The following SEM1 variants were observed in gnomAD, a reference collection of about 807,000 sequenced individuals.
The protein encoded by SEM1 is 26S proteasome complex subunit SEM1.
SEM1 carries 3 observed loss-of-function variants against 12.7 expected under a neutral mutation model. That is an observed-to-expected ratio of 0.24 (90% CI 0.11 to 0.61). The LOEUF is 0.61. Ranked by LOEUF, SEM1 falls within the 20% of genes least tolerant of loss-of-function variation. The pLI, the probability that SEM1 is intolerant of heterozygous loss-of-function variation, is 0.88. For missense variants in SEM1, 59 were observed against 81.3 expected (o/e 0.73, Z 1.06); for synonymous variants, 30 against 27.8 (o/e 1.08, Z -0.25).
At chr7:96,700,702 CT>C (rs1790244261) in intron 1 of SEM1, among the ~76,000 whole-genome samples, 2 of 152,270 alleles carry the variant, frequency 1.3e-5, no homozygotes, top group Admixed American at 1.3e-4. Flanking sequence ...TTAAACACTA[CT>C]TAAACCACAA....
At chr7:96,581,850 A>C (rs1244659893) in intron 2 of SEM1, among the ~76,000 whole-genome samples, 21 of 152,052 alleles carry the variant, frequency 1.4e-4, no homozygotes, top group African/African-American at 4.4e-4. Context: ...GAAGTTGCTT[A>C]TCAGCTTAAG....
rs540508270 is a variant in SEM1, at chr7:96,702,338, A to T, written c.76+7350T>A. On this transcript the variant is annotated intron_variant, in intron 1 of 2. Transcript: ENST00000248566. ...GAATATCCCAAATGCAATAAACATA[A>T]GCAAAGTGAAGACCCTGCATTCTAA... 1.4e-4 allele frequency among the ~76,000 whole-genome samples: 22 copies of T among 152,320 alleles called. No homozygotes were observed. The South Asian group carries it at 3.9e-3, about 27-fold the overall frequency.
At chr7:96,671,675 G>A (rs769345453), downstream of SEM1, among the ~76,000 whole-genome samples, 2 of 152,166 alleles carry the variant, frequency 1.3e-5, no homozygotes, top group Non-Finnish European at 2.9e-5. Context: ...ACATATAACC[G>A]ATTGAAGAGA....
intron 2 of SEM1, among the ~76,000 whole-genome samples, chr7:96,579,199 G>A (rs1806302786): frequency 6.6e-6 from 1 of 152,166 alleles, no homozygotes; most frequent in African/African-American, 2.4e-5. Flanking sequence ...ATGCCATCAT[G>A]AAATCATTTC....
At chr7:96,685,160 A>C (rs1789724490), downstream of SEM1, among the ~76,000 whole-genome samples, 1 of 152,096 alleles carries the variant, frequency 6.6e-6, no homozygotes, top group Non-Finnish European at 1.5e-5. Context: ...TATTAATATA[A>C]CATTCAATCT....
intron 2 of SEM1, among the ~76,000 whole-genome samples, chr7:96,521,399 A>G (rs1804266318): frequency 6.6e-6 from 1 of 152,146 alleles, no homozygotes; most frequent in African/African-American, 2.4e-5. Flanking sequence ...CACACCACAA[A>G]TACCCATTCT....
chr7:96,566,135 A>T (rs1053177317), intron 2 of SEM1, among the ~76,000 whole-genome samples: 2 of 151,732 alleles, frequency 1.3e-5, no homozygotes, highest in Non-Finnish European at 3.0e-5. Flanking sequence ...ATTCTATAAA[A>T]GTGATACACA....
chr7:96,484,503 T>C (rs1802673087), intron 3 of SEM1, among the ~76,000 whole-genome samples: 1 of 152,162 alleles, frequency 6.6e-6, no homozygotes, highest in Admixed American at 6.5e-5. Flanking sequence ...AGTCAGTAAA[T>C]ACCTGAAGAG....
At chr7:96,552,837 C>T (rs1215198868) in intron 2 of SEM1, among the ~76,000 whole-genome samples, 10 of 150,822 alleles carry the variant, frequency 6.6e-5, no homozygotes, top group Non-Finnish European at 1.5e-4. Context: ...CCTATTTCTC[C>T]ACATCCTCTC....
intron 2 of SEM1, among the ~76,000 whole-genome samples, chr7:96,679,087 C>T (rs897250736): frequency 6.6e-6 from 1 of 151,908 alleles, no homozygotes; most frequent in Non-Finnish European, 1.5e-5. Flanking sequence ...AACTGTCTTA[C>T]TTAAGAGGAA....
chr7:96,680,188 G>A lies in SEM1; in HGVS notation c.171-6329C>T, dbSNP rs185085913. 5.3e-5 allele frequency among the ~76,000 whole-genome samples: 8 copies of A among 152,116 alleles called. No homozygotes were observed. The East Asian group carries it at 9.7e-4, about 18-fold the overall frequency. The stretch of plus-strand genomic sequence containing the variant: ...GAACTGAAGTCGAATTCCCTATGGT[G>A]TAACTTGCTAGATATACACTCTTTT... On this transcript the variant is annotated intron_variant, in intron 2 of 2. Transcript: ENST00000413065.
At chr7:96,516,671 T>G (rs557490141) in intron 2 of SEM1, among the ~76,000 whole-genome samples, 5 of 152,284 alleles carry the variant, frequency 3.3e-5, no homozygotes, top group Admixed American at 2.6e-4. Flanking sequence ...GAAGACAGTT[T>G]AATGCTTTCT....
intron 2 of SEM1, among the ~76,000 whole-genome samples, chr7:96,683,278 A>T (rs1053075286): frequency 5.9e-5 from 9 of 152,154 alleles, no homozygotes; most frequent in Non-Finnish European, 1.0e-4. Context: ...AAACATATTT[A>T]AAAAAAGCTC....
intron 2 of SEM1, among the ~76,000 whole-genome samples, chr7:96,570,951 A>G (rs1400244465): frequency 6.8e-6 from 1 of 147,020 alleles, no homozygotes; most frequent in East Asian, 2.0e-4. Context: ...TCTAATGACC[A>G]GTGATGATGA....
downstream of SEM1, among the ~76,000 whole-genome samples, chr7:96,617,588 G>GT (rs1205061406): frequency 6.6e-6 from 1 of 152,126 alleles, no homozygotes; most frequent in Non-Finnish European, 1.5e-5. Flanking sequence ...GATAAGAGTG[G>GT]TGAAAGTGGG....
At chr7:96,675,057 T>C (rs907437570) in intron 2 of SEM1, among the ~76,000 whole-genome samples, 1 of 152,108 alleles carries the variant, frequency 6.6e-6, no homozygotes, top group African/African-American at 2.4e-5. Context: ...CACTTCTCTG[T>C]TATTCATGGA....
rs757303721 is a variant in SEM1, at chr7:96,484,014, T to G, written c.258-26A>C. 10 of 1,478,648 alleles carry G rather than the reference T, an allele frequency of 6.8e-6. No homozygotes were observed. The Admixed American group carries it at 1.6e-4, about 24-fold the overall frequency. 91.6% of individuals were successfully genotyped at this position (1,478,648 alleles called of 1,614,324 possible). A position where few individuals can be genotyped will look rare whatever the true frequency, so the allele number is the denominator to read the frequency against. ...CTATGAAGAAGAATGATAAATGCTG[T>G]GGGCCAGGAATCATTTGATTACACT... On this transcript the variant is annotated intron_variant, in intron 3 of 3. Coordinates refer to the SEM1 transcript ENST00000356686.
intron 1 of SEM1, among the ~76,000 whole-genome samples, chr7:96,705,889 A>G (rs1039028330): frequency 6.6e-6 from 1 of 152,068 alleles, no homozygotes; most frequent in African/African-American, 2.4e-5. Flanking sequence ...CACCAACCTG[A>G]CCGTATGATT....
intron 2 of SEM1, among the ~76,000 whole-genome samples, chr7:96,553,231 G>A (rs1302827215): frequency 1.3e-5 from 2 of 149,908 alleles, no homozygotes; most frequent in Admixed American, 6.6e-5. Context: ...GTCTTTTGTT[G>A]CCATTGCTTT....
Sources: allele counts gnomAD v4.1 joint callset (sites outside exome capture counted in the v4.1 genomes callset), GRCh38; gene constraint gnomAD v4.1.1; transcripts MANE v1.5; gene names NCBI Gene and HGNC (gene_info 2026-07-23, HGNC 2026-07-21).